SLIT2: variants seen among roughly 807,000 people sequenced by gnomAD.
SLIT2 encodes the protein slit homolog 2 protein.
A neutral mutation model predicts 185.7 loss-of-function variants in SLIT2; 41 were observed. The ratio of observed to expected loss-of-function variants is 0.22; its 90% confidence interval spans 0.17 to 0.29. The LOEUF (loss-of-function observed/expected upper bound fraction) is 0.29. Ranked by LOEUF, SLIT2 falls within the 10% of genes least tolerant of loss-of-function variation. The pLI is 1.00. For synonymous variants in SLIT2, 693 were observed against 680.2 expected, an observed-to-expected ratio of 1.02 and a Z score of -0.29; for missense variants, 1,571 against 1,909.0, an observed-to-expected ratio of 0.82 and a Z score of 3.30.
rs1247096367 is a variant in SLIT2, at chr4:20,567,499, C to T, written c.2851-19C>T. The T allele has an allele frequency of 3.7e-6, 6 of 1,611,246 alleles. No individual in the cohort carries two copies. Among genetic ancestry groups the T allele is most frequent in the Admixed American group, 1.7e-5 (1 of 59,896 alleles). On this transcript the variant is annotated intron_variant, in intron 27 of 36. Coordinates refer to ENST00000504154, the MANE Select transcript of SLIT2 (RefSeq NM_004787.4). ...CCAAGAACTACTTCACTCGACTATA[C>T]TTGCCCCTTCTTCTCCAGGGGCAGG...
chr4:20,470,808 T>C (rs960423697), intron 5 of SLIT2, among the ~76,000 whole-genome samples: 4 of 152,160 alleles, frequency 2.6e-5, no homozygotes, highest in African/African-American at 7.2e-5. Flanking sequence ...ACTCCTGACC[T>C]CAGATGATCC....
intron 4 of SLIT2, among the ~76,000 whole-genome samples, chr4:20,417,457 T>TATATATATATATATATATAC (rs919072867): frequency 6.2e-5 from 9 of 145,014 alleles, no homozygotes; most frequent in East Asian, 2.0e-4. Flanking sequence ...TATATATATA[T>TATATATATATATATATATAC]ACGTATATAT....
intron 4 of SLIT2, among the ~76,000 whole-genome samples, chr4:20,438,744 CA>C (rs1729534683): frequency 6.6e-6 from 1 of 152,200 alleles, no homozygotes; most frequent in Non-Finnish European, 1.5e-5. Context: ...TTTCTGTTAT[CA>C]CAACATGTCA....
intron 19 of SLIT2, among the ~76,000 whole-genome samples, chr4:20,540,138 A>T (rs1352160942): frequency 6.6e-6 from 1 of 152,088 alleles, no homozygotes; most frequent in African/African-American, 2.4e-5. Context: ...ACAAAAAAAA[A>T]TTAACCAGGC....
intron 4 of SLIT2, among the ~76,000 whole-genome samples, chr4:20,312,630 G>A (rs571117113): frequency 2.0e-5 from 3 of 151,646 alleles, no homozygotes; most frequent in East Asian, 3.9e-4. Context: ...AAAAATTAGC[G>A]GGTTTGTTGG....
At chr4:20,485,194 T>C (rs555854240) in intron 6 of SLIT2, among the ~76,000 whole-genome samples, 1 of 152,260 alleles carries the variant, frequency 6.6e-6, no homozygotes, top group Non-Finnish European at 1.5e-5. Context: ...CACTTTCTTA[T>C]CACAACCAGA....
intron 4 of SLIT2, among the ~76,000 whole-genome samples, chr4:20,340,381 G>A (rs1720862874): frequency 6.6e-6 from 1 of 152,036 alleles, no homozygotes; most frequent in Non-Finnish European, 1.5e-5. Flanking sequence ...ATTTATGTGT[G>A]ACCATTCTTC....
At chr4:20,339,759 C>T (rs1424257211) in intron 4 of SLIT2, among the ~76,000 whole-genome samples, 1 of 151,894 alleles carries the variant, frequency 6.6e-6, no homozygotes, top group African/African-American at 2.4e-5. Flanking sequence ...CTCCTATGGT[C>T]TTGGATTTCT....
chr4:20,573,482 G>A (rs539305511), intron 29 of SLIT2, among the ~76,000 whole-genome samples: 1 of 152,250 alleles, frequency 6.6e-6, no homozygotes, highest in Admixed American at 6.5e-5. Flanking sequence ...ATTGTTAGAA[G>A]ACAATGAATA....
intron 4 of SLIT2, among the ~76,000 whole-genome samples, chr4:20,411,814 G>T (rs535556760): frequency 6.6e-6 from 1 of 152,228 alleles, no homozygotes; most frequent in African/African-American, 2.4e-5. Flanking sequence ...AAGATGTTTG[G>T]TTTTAGTGTG....
At position 20,546,100 on chromosome 4, in the gene SLIT2, G is replaced by T; in HGVS notation, c.2345+1G>T. The T allele has an allele frequency of 1.3e-6, 2 of 1,556,102 alleles. No homozygotes were observed. Among genetic ancestry groups the T allele is most frequent in the Non-Finnish European group, 1.8e-6 (2 of 1,135,148 alleles). On this transcript the variant is annotated splice_donor_variant, in intron 22 of 36. Transcript: ENST00000504154. LOFTEE classifies it high-confidence loss of function. ...CCAACTACAAACATTTAACACTTATGTGAGTAACATATTGCACTTTTCTTT... is the reference window on the plus strand; with the variant it reads ...CCAACTACAAACATTTAACACTTATTTGAGTAACATATTGCACTTTTCTTT...
In SLIT2 at chr4:20,406,231, T is replaced by A. The variant is rs1353439024; in HGVS notation, c.396-61521T>A. ...TTCTTGCAGATATCATAGAATAGTT[T>A]CCAAATCCTTGGTTAGGCATTATTG... On this transcript the variant is annotated intron_variant, in intron 4 of 36. Coordinates refer to ENST00000504154, the MANE Select transcript of SLIT2 (RefSeq NM_004787.4). Among the ~76,000 whole-genome samples the A allele has an allele frequency of 2.1e-5, 3 of 144,366 alleles. 1 individual carries two copies. Among genetic ancestry groups the A allele is most frequent in the Non-Finnish European group, 3.1e-5 (2 of 64,730 alleles). The allele number at this position is 144,366 out of a possible 152,430, so 94.7% of individuals were successfully genotyped here.
intron 4 of SLIT2, among the ~76,000 whole-genome samples, chr4:20,438,236 G>A (rs537874105): frequency 1.3e-5 from 2 of 152,210 alleles, no homozygotes; most frequent in East Asian, 3.9e-4. Context: ...AGTTGCCTCT[G>A]TATTAGTCCA....
intron 4 of SLIT2, among the ~76,000 whole-genome samples, chr4:20,368,287 C>T (rs1463097659): frequency 1.4e-5 from 2 of 144,520 alleles, no homozygotes; most frequent in African/African-American, 2.5e-5. Flanking sequence ...ATTTCTAACA[C>T]AGTCATCTAA....
chr4:20,269,853 C>T (rs1454928484), intron 4 of SLIT2, among the ~76,000 whole-genome samples: 2 of 151,918 alleles, frequency 1.3e-5, no homozygotes, highest in East Asian at 3.9e-4. Flanking sequence ...TCCTCTCACA[C>T]CCTTCACCCC....
intron 8 of SLIT2, 98 bp from the exon 9 acceptor site, chr4:20,491,663 A>G: frequency 1.0e-6 from 1 of 1,004,382 alleles, no homozygotes; most frequent in Non-Finnish European, 1.5e-6. Flanking sequence ...AAAGAGATTT[A>G]TTTATGTGAA....
At chr4:20,405,090 A>G (rs191775136) in intron 4 of SLIT2, among the ~76,000 whole-genome samples, 11 of 152,074 alleles carry the variant, frequency 7.2e-5, no homozygotes, top group African/African-American at 2.2e-4. Context: ...TAAAAAATAC[A>G]TATAACACAT....
chr4:20,341,303 G>C, intron 4 of SLIT2, among the ~76,000 whole-genome samples: 1 of 152,192 alleles, frequency 6.6e-6, no homozygotes, highest in Non-Finnish European at 1.5e-5. Context: ...AATTGGATGA[G>C]ATATTATACT....
At chr4:20,591,758 G>T (rs1420490769) in intron 30 of SLIT2, among the ~76,000 whole-genome samples, 2 of 151,834 alleles carry the variant, frequency 1.3e-5, no homozygotes, top group Admixed American at 6.6e-5. Flanking sequence ...AGTAAGGAAA[G>T]TTTTCCAGAA....
Sources: gnomAD v4.1 joint callset for allele counts (sites outside exome capture counted in the v4.1 genomes callset) on GRCh38, gnomAD v4.1.1 for gene constraint, MANE v1.5 for transcripts, NCBI Gene and HGNC (gene_info 2026-07-23, HGNC 2026-07-21) for gene names.